Variants in CSMD1 observed in about 807,000 individuals in gnomAD.
CSMD1 encodes the protein CUB and sushi domain-containing protein 1.
A neutral mutation model predicts 417.5 loss-of-function variants in CSMD1; 213 were observed. That is an observed-to-expected ratio of 0.51 (90% CI 0.46 to 0.57). CSMD1 has a LOEUF of 0.57. CSMD1 is among the 20% of genes least tolerant of loss of function. The probability of loss-of-function intolerance (pLI) is 0.00; values close to 1 mark genes in which losing one functional copy is unlikely to be tolerated. For missense variants in CSMD1, 6,923 were observed against 4,529.7 expected (o/e 1.53, Z -15.17); for synonymous variants, 2,862 against 1,736.8 (o/e 1.65, Z -16.11).
At chr8:4,486,845 T>C (rs1295534638) in intron 2 of CSMD1, among the ~76,000 whole-genome samples, 1 of 152,166 alleles carries the variant, frequency 6.6e-6, no homozygotes, top group Non-Finnish European at 1.5e-5. Context: ...GCTATTGTTA[T>C]TAATTACACA....
At chr8:3,828,585 A>G (rs1416290353) in intron 5 of CSMD1, among the ~76,000 whole-genome samples, 1 of 152,056 alleles carries the variant, frequency 6.6e-6, no homozygotes, top group Admixed American at 6.5e-5. Context: ...CTCTCTGCAA[A>G]GCATTCGACA....
intron 3 of CSMD1, among the ~76,000 whole-genome samples, chr8:4,390,496 T>TA (rs1334495008): frequency 1.7e-4 from 18 of 103,674 alleles, no homozygotes; most frequent in Admixed American, 4.6e-4. Context: ...GAAGCGTCCA[T>TA]TTTTATTTAT....
At chr8:3,097,717 G>C (rs10101398) in intron 46 of CSMD1, among the ~76,000 whole-genome samples, 3,808 of 152,268 alleles carry the variant, frequency 0.025, 181 homozygotes, top group African/African-American at 0.088. Context: ...GACTGTGCTT[G>C]ATCACAGGTA....
At chr8:4,252,000 T>C (rs1037019585) in intron 3 of CSMD1, among the ~76,000 whole-genome samples, 4 of 152,058 alleles carry the variant, frequency 2.6e-5, no homozygotes, top group South Asian at 2.1e-4. Flanking sequence ...ATTACAAGCA[T>C]AGAGAACTTA....
chr8:3,794,560 A>G (rs1238972628), intron 5 of CSMD1, among the ~76,000 whole-genome samples: 3 of 152,128 alleles, frequency 2.0e-5, no homozygotes, highest in African/African-American at 7.2e-5. Flanking sequence ...TCCTGCCATC[A>G]AAGTGCTAGT....
chr8:4,622,151 G>T (rs765937273), intron 2 of CSMD1, among the ~76,000 whole-genome samples: 20 of 148,440 alleles, frequency 1.3e-4, no homozygotes, highest in Non-Finnish European at 3.0e-4. Flanking sequence ...AAGATTAAAC[G>T]CAAAGAGGGG....
intron 1 of CSMD1, among the ~76,000 whole-genome samples, chr8:4,676,764 A>C (rs1338375974): frequency 6.6e-6 from 1 of 151,912 alleles, no homozygotes; most frequent in Non-Finnish European, 1.5e-5. Context: ...TTCTTAGCCC[A>C]CCAAAGCTTT....
intron 5 of CSMD1, among the ~76,000 whole-genome samples, chr8:3,929,530 G>T (rs954594341): frequency 6.6e-6 from 1 of 150,412 alleles, no homozygotes; most frequent in Non-Finnish European, 1.5e-5. Flanking sequence ...AACGTCCATT[G>T]GCAGGAACTG....
chr8:3,311,477 TGACCTCAAGTGATTTGCTTGCCTCGG>T (rs1250338513), intron 23 of CSMD1, among the ~76,000 whole-genome samples: 20 of 152,302 alleles, frequency 1.3e-4, no homozygotes, highest in African/African-American at 4.8e-4. Flanking sequence ...CTCAAACTCC[TGACCTCAAGTGATTTGCTTGCCTCGG>T]TCTCCGAAAG....
chr8:3,933,388 A>C (rs1020780966), intron 5 of CSMD1, among the ~76,000 whole-genome samples: 14 of 152,214 alleles, frequency 9.2e-5, no homozygotes, highest in Middle Eastern at 3.2e-3. Context: ...AACTGAAATA[A>C]ATAAATGAGT....
chr8:3,280,228 G>C (rs1187070029), intron 26 of CSMD1, among the ~76,000 whole-genome samples: 2 of 152,112 alleles, frequency 1.3e-5, no homozygotes, highest in Non-Finnish European at 2.9e-5. Context: ...AGTAGATTTG[G>C]GGCCAAAGGG....
intron 68 of CSMD1, among the ~76,000 whole-genome samples, chr8:2,942,969 T>C (rs1423760256): frequency 6.6e-6 from 1 of 152,186 alleles, no homozygotes; most frequent in Non-Finnish European, 1.5e-5. Context: ...TATTTGCTGT[T>C]TTTTCAGGTC....
chr8:4,466,643 T>A (rs551532892), intron 2 of CSMD1, among the ~76,000 whole-genome samples: 10 of 152,302 alleles, frequency 6.6e-5, no homozygotes, highest in African/African-American at 2.2e-4. Context: ...ATTTAAATGT[T>A]TAATTTTTCA....
intron 37 of CSMD1, among the ~76,000 whole-genome samples, chr8:3,167,475 C>A (rs904560470): frequency 6.6e-6 from 1 of 152,140 alleles, no homozygotes; most frequent in South Asian, 2.1e-4. Flanking sequence ...AACACTTAAA[C>A]AAGAAAGAAC....
At chr8:3,069,936 G>A (rs1216432398) in intron 49 of CSMD1, among the ~76,000 whole-genome samples, 2 of 152,208 alleles carry the variant, frequency 1.3e-5, no homozygotes, top group Non-Finnish European at 1.5e-5. Flanking sequence ...CTTCATTCTT[G>A]CATTCTGCGC....
intron 2 of CSMD1, among the ~76,000 whole-genome samples, 151 bp from the exon 3 acceptor site, chr8:4,420,216 G>A (rs537489775): frequency 3.3e-5 from 5 of 152,228 alleles, no homozygotes; most frequent in African/African-American, 1.2e-4. Context: ...CATAGCTTTG[G>A]TTGTTAAGTA....
chr8:2,962,409 A>G lies in CSMD1; in HGVS notation c.9628+57T>C. ...CACAAATGACCCAATTTCGGAATGA[A>G]GCGTCCTCATCTCCAAATACTCCCA... On this transcript the variant is annotated intron_variant, in intron 61 of 69. Transcript: ENST00000635120. The G allele has an allele frequency of 9.5e-6, 14 of 1,472,962 alleles. No individual in the cohort carries two copies. In the South Asian group the frequency reaches 9.9e-5, roughly 10 times the overall value. 91.2% of individuals were successfully genotyped at this position (1,472,962 alleles called of 1,614,324 possible).
chr8:3,593,082 G>C (rs562985530), intron 8 of CSMD1, among the ~76,000 whole-genome samples: 2 of 152,338 alleles, frequency 1.3e-5, no homozygotes, highest in African/African-American at 4.8e-5. Flanking sequence ...AAGGAATGGA[G>C]CTGAGTCCTG....
intron 3 of CSMD1, among the ~76,000 whole-genome samples, chr8:4,338,304 T>A (rs1398168637): frequency 1.3e-5 from 2 of 152,140 alleles, no homozygotes; most frequent in Non-Finnish European, 2.9e-5. Flanking sequence ...TTGAATATAG[T>A]TAGTTACACA....
Sources: allele counts gnomAD v4.1 joint callset (sites outside exome capture counted in the v4.1 genomes callset), GRCh38; gene constraint gnomAD v4.1.1; transcripts MANE v1.5; gene names NCBI Gene and HGNC (gene_info 2026-07-23, HGNC 2026-07-21).